RAB28: variants seen among roughly 807,000 people sequenced by gnomAD.
RAB28 encodes ras-related protein Rab-28.
In RAB28, 24 loss-of-function variants were observed where a neutral mutation model predicts 31.7. That is an observed-to-expected ratio of 0.76 (90% CI 0.55 to 1.06). RAB28 has a LOEUF of 1.06. Among genes scored for constraint, RAB28 ranks in the 50% least tolerant of loss-of-function variants. RAB28 has a pLI of 0.00. For synonymous variants in RAB28, 100 were observed against 90.4 expected (o/e 1.11, Z -0.60); for missense variants, 254 against 258.5 (o/e 0.98, Z 0.12).
intron 4 of RAB28, among the ~76,000 whole-genome samples, chr4:13,423,537 A>G (rs1227087783): frequency 6.6e-6 from 1 of 152,172 alleles, no homozygotes; most frequent in Non-Finnish European, 1.5e-5. Flanking sequence ...ATGATGTGAA[A>G]TATAAAATTC....
chr4:13,455,954 T>C (rs893212095), intron 4 of RAB28, among the ~76,000 whole-genome samples: 8 of 152,242 alleles, frequency 5.3e-5, no homozygotes, highest in African/African-American at 1.9e-4. Context: ...GCTAAAGCCA[T>C]CTTGCTAAAG....
rs1272551480 is a variant in RAB28 at position 13,423,333 on chromosome 4, C to T, written c.391+37366G>A. 2.0e-5 allele frequency among the ~76,000 whole-genome samples: 3 copies of T among 152,012 alleles called. No individual in the cohort carries two copies. The East Asian group carries it at 5.8e-4, about 30-fold the overall frequency. On this transcript the variant is annotated intron_variant, in intron 4 of 6. Coordinates refer to ENST00000330852, the MANE Select transcript of RAB28 (RefSeq NM_001017979.3). ...GGTGGATCGCCTGAGGTGAGAAGTT[C>T]GAGACCAGCCTGGCCAACAGAGTGA...
At chr4:13,375,578 T>G (rs916304793) in intron 6 of RAB28, among the ~76,000 whole-genome samples, 2 of 152,192 alleles carry the variant, frequency 1.3e-5, no homozygotes, top group African/African-American at 4.8e-5. Context: ...ACTTTTTCTG[T>G]GTCTGGGAGC....
chr4:13,412,029 A>G (rs1478947686), intron 4 of RAB28, among the ~76,000 whole-genome samples: 1 of 152,006 alleles, frequency 6.6e-6, no homozygotes, highest in Non-Finnish European at 1.5e-5. Flanking sequence ...TCAAAAAAAA[A>G]AAAAAGATAA....
intron 4 of RAB28, among the ~76,000 whole-genome samples, chr4:13,384,931 G>C (rs1729298722): frequency 6.6e-6 from 1 of 152,184 alleles, no homozygotes; most frequent in Non-Finnish European, 1.5e-5. Context: ...AGATGCAGGA[G>C]TATGTTGAAA....
chr4:13,387,730 C>G (rs1007626672), intron 4 of RAB28, among the ~76,000 whole-genome samples: 1 of 151,984 alleles, frequency 6.6e-6, no homozygotes, highest in Non-Finnish European at 1.5e-5. Context: ...ATGTTTTCAA[C>G]ATGATTGATT....
chr4:13,424,918 TAA>T (rs890383171), intron 4 of RAB28, among the ~76,000 whole-genome samples: 12 of 152,192 alleles, frequency 7.9e-5, no homozygotes, highest in African/African-American at 2.7e-4. Context: ...CAAAGCAATT[TAA>T]AAACTCTTGA....
At position 13,462,239 on chromosome 4, in the gene RAB28, A is replaced by G. The variant is rs556341166; in HGVS notation, c.262-1411T>C. 4.3e-4 allele frequency among the ~76,000 whole-genome samples: 65 copies of G among 152,246 alleles called. 1 individual carries two copies. The highest frequency in any genetic ancestry group is 1.4e-3 in the Admixed American group (22 of 15,284). On this transcript the variant is annotated intron_variant, in intron 3 of 6. Transcript: ENST00000330852. Reference sequence around the variant, plus strand: ...TGACAGTTTGCCGTAATCTTTGCCAATTTTCATGGTGTAAATGCTAGCCTG... The same window carrying G: ...TGACAGTTTGCCGTAATCTTTGCCAGTTTTCATGGTGTAAATGCTAGCCTG...
At position 13,484,121 on chromosome 4, in the gene RAB28, G is replaced by A. The variant is rs1426121253; in HGVS notation, c.30C>T (p.Asp10=). The change falls in exon 1 of 7, where the codon GAC becomes GAT. Residue 10 remains aspartate (D), a synonymous_variant. Coordinates refer to ENST00000330852, the MANE Select transcript of RAB28 (RefSeq NM_001017979.3). The part of the protein sequence containing the change: MSDSEEESQ[D]RQLKIVVLGD... Reference sequence around the variant, plus strand: ...CCAGCACGACGATTTTCAGTTGCCGGTCCTGGCTCTCCTCCTCAGAGTCCG... The same window carrying A: ...CCAGCACGACGATTTTCAGTTGCCGATCCTGGCTCTCCTCCTCAGAGTCCG... The A allele has an allele frequency of 6.3e-7, 1 of 1,599,672 alleles. No homozygotes were observed. Among genetic ancestry groups the A allele is most frequent in the Non-Finnish European group, 8.5e-7 (1 of 1,173,274 alleles).
intron 4 of RAB28, among the ~76,000 whole-genome samples, chr4:13,445,761 G>C (rs1390018230): frequency 2.0e-5 from 3 of 152,190 alleles, no homozygotes; most frequent in Non-Finnish European, 4.4e-5. Context: ...CCTGATTCCA[G>C]CTGGAGCTCT....
intron 4 of RAB28, among the ~76,000 whole-genome samples, chr4:13,407,054 T>C (rs560656248): frequency 1.1e-3 from 165 of 152,340 alleles, no homozygotes; most frequent in Non-Finnish European, 1.9e-3. Context: ...TTTGGGGTTT[T>C]AGTCATGAAG....
intron 4 of RAB28, among the ~76,000 whole-genome samples, chr4:13,421,121 A>T (rs1427183045): frequency 6.6e-6 from 1 of 152,242 alleles, no homozygotes; most frequent in Non-Finnish European, 1.5e-5. Context: ...ACAGACAAAC[A>T]GAGAGCCAAA....
chr4:13,415,423 G>T (rs1301046159), intron 4 of RAB28, among the ~76,000 whole-genome samples: 1 of 152,170 alleles, frequency 6.6e-6, no homozygotes, highest in East Asian at 1.9e-4. Context: ...GGGAACCGGG[G>T]CTGCGCGGTG....
chr4:13,402,927 G>A (rs566428110), intron 4 of RAB28, among the ~76,000 whole-genome samples: 1 of 152,164 alleles, frequency 6.6e-6, no homozygotes, highest in South Asian at 2.1e-4. Flanking sequence ...TCAAGTAGCT[G>A]GGAACACAGG....
chr4:13,384,104 G>C (rs73229644), intron 4 of RAB28, among the ~76,000 whole-genome samples: 5,637 of 152,232 alleles, frequency 0.037, 175 homozygotes, highest in African/African-American at 0.084. Flanking sequence ...CCTCACCCCT[G>C]CACCAACACT....
At chr4:13,424,934 C>T (rs1008791785) in intron 4 of RAB28, among the ~76,000 whole-genome samples, 1 of 152,108 alleles carries the variant, frequency 6.6e-6, no homozygotes, top group Non-Finnish European at 1.5e-5. Context: ...CTCTTGACCC[C>T]CACCTCCACT....
At chr4:13,470,465 G>C (rs1272207265) in intron 3 of RAB28, among the ~76,000 whole-genome samples, 1 of 152,054 alleles carries the variant, frequency 6.6e-6, no homozygotes, top group Non-Finnish European at 1.5e-5. Flanking sequence ...TACTTAAAAA[G>C]TAGGCTCATC....
At chr4:13,461,429 T>C (rs1715587308) in intron 3 of RAB28, among the ~76,000 whole-genome samples, 1 of 152,188 alleles carries the variant, frequency 6.6e-6, no homozygotes, top group Non-Finnish European at 1.5e-5. Context: ...CTTTACCATC[T>C]CCTTTCCAGA....
intron 6 of RAB28, chr4:13,370,551 G>A (rs1421668605): frequency 1.1e-6 from 1 of 919,760 alleles, no homozygotes; most frequent in Admixed American, 6.2e-5. Flanking sequence ...AATATGCTGT[G>A]GGAACACAGA....
Sources: gnomAD v4.1 joint callset for allele counts (sites outside exome capture counted in the v4.1 genomes callset) on GRCh38, gnomAD v4.1.1 for gene constraint, MANE v1.5 for transcripts, NCBI Gene and HGNC (gene_info 2026-07-23, HGNC 2026-07-21) for gene names.